Variants in PRR16 observed in about 807,000 individuals in gnomAD.
PRR16 encodes the protein protein Largen.
In PRR16, 6 loss-of-function variants were observed where a neutral mutation model predicts 18.2. The ratio of observed to expected loss-of-function variants is 0.33; its 90% CI spans 0.18 to 0.65. PRR16 has a LOEUF of 0.65. PRR16 is among the 30% of genes least tolerant of loss of function. PRR16 has a pLI of 0.74. For synonymous variants in PRR16, 151 were observed against 147.8 expected (o/e 1.02, Z -0.16); for missense variants, 412 against 376.6 (o/e 1.09, Z -0.78).
rs187984117 is a variant in PRR16, at chr5:120,538,341, G to T, written c.159+73696G>T. Among the ~76,000 whole-genome samples the T allele has an allele frequency of 5.3e-5, 8 of 152,288 alleles. No homozygotes were observed. In the East Asian group the frequency reaches 1.5e-3, roughly 29 times the overall value. On this transcript the variant is annotated intron_variant, in intron 1 of 1. Coordinates refer to ENST00000407149, the MANE Select transcript of PRR16 (RefSeq NM_001300783.2). ...CTCTTGAGAAAACATAGCATTTTCA[G>T]TTGTATTTCTATGAGTCAGGATTTG... is the stretch of plus-strand genomic sequence containing the variant.
chr5:120,713,023 A>T, the PRR16 span, among the ~76,000 whole-genome samples: 5 of 152,180 alleles, frequency 3.3e-5, no homozygotes, highest in Non-Finnish European at 5.9e-5. Context: ...TCCTGTCTTC[A>T]TTGCACCATT....
the PRR16 span, among the ~76,000 whole-genome samples, chr5:120,735,330 C>CA: frequency 6.6e-6 from 1 of 151,992 alleles, no homozygotes; most frequent in East Asian, 1.9e-4. Flanking sequence ...TGTGGGTATG[C>CA]AAAAATGTTA....
the PRR16 span, among the ~76,000 whole-genome samples, chr5:120,779,253 T>G: frequency 2.0e-5 from 3 of 152,048 alleles, no homozygotes. Context: ...AAAAGGAAAT[T>G]AAAAGGAGGA....
chr5:120,642,704 T>C (rs1253491805), intron 1 of PRR16, among the ~76,000 whole-genome samples: 2 of 152,064 alleles, frequency 1.3e-5, no homozygotes, highest in African/African-American at 4.8e-5. Flanking sequence ...TGTGTCCCCT[T>C]ATCAAGAACT....
the PRR16 span, among the ~76,000 whole-genome samples, chr5:120,706,063 TG>T: frequency 6.6e-6 from 1 of 152,128 alleles, no homozygotes; most frequent in Non-Finnish European, 1.5e-5. Context: ...GGTACAAAAA[TG>T]GCTTCCAATG....
chr5:120,569,676 CG>C (rs1350921912), intron 1 of PRR16, among the ~76,000 whole-genome samples: 1 of 152,018 alleles, frequency 6.6e-6, no homozygotes, highest in East Asian at 1.9e-4. Context: ...AAAAATGCCA[CG>C]GTGTCCTGTC....
At chr5:120,594,953 A>G in intron 1 of PRR16, among the ~76,000 whole-genome samples, 1 of 152,070 alleles carries the variant, frequency 6.6e-6, no homozygotes, top group East Asian at 1.9e-4. Flanking sequence ...TACAAAAATC[A>G]ACCAAAAATG....
intron 1 of PRR16, among the ~76,000 whole-genome samples, chr5:120,645,738 G>T (rs1755570397): frequency 6.6e-6 from 1 of 152,068 alleles, no homozygotes; most frequent in African/African-American, 2.4e-5. Flanking sequence ...AGTTTCTTTT[G>T]TTGCTCCGTC....
At chr5:120,644,536 C>G (rs1056671743) in intron 1 of PRR16, among the ~76,000 whole-genome samples, 2 of 152,112 alleles carry the variant, frequency 1.3e-5, no homozygotes, top group East Asian at 3.9e-4. Flanking sequence ...TGCAAAATAT[C>G]TGAGAGTTAG....
intron 1 of PRR16, among the ~76,000 whole-genome samples, chr5:120,610,711 A>T (rs955230693): frequency 2.6e-5 from 4 of 152,200 alleles, no homozygotes; most frequent in Admixed American, 2.6e-4. Flanking sequence ...GATATGTGGA[A>T]CTATAAGTCC....
chr5:120,645,838 A>G (rs1561591108), intron 1 of PRR16, among the ~76,000 whole-genome samples: 1 of 151,872 alleles, frequency 6.6e-6, no homozygotes, highest in Non-Finnish European at 1.5e-5. Flanking sequence ...AACAATGACT[A>G]GAAGAAAATA....
At chr5:120,790,256 C>A in the PRR16 span, 1 of 152,178 alleles carries the variant, frequency 6.6e-6, no homozygotes, top group African/African-American at 2.4e-5. Context: ...AAAGGACTAT[C>A]AAGAAGCCAA....
intron 1 of PRR16, among the ~76,000 whole-genome samples, chr5:120,531,785 A>G (rs553091446): frequency 6.6e-6 from 1 of 152,276 alleles, no homozygotes; most frequent in South Asian, 2.1e-4. Flanking sequence ...AGAATGATAA[A>G]TTATAAATAT....
At chr5:120,775,670 G>T in the PRR16 span, among the ~76,000 whole-genome samples, 61 of 130,156 alleles carry the variant, frequency 4.7e-4, no homozygotes, top group Non-Finnish European at 8.0e-4. Context: ...CACTCTTGTT[G>T]CCCAGGCTGG....
intron 1 of PRR16, among the ~76,000 whole-genome samples, chr5:120,581,797 T>A: frequency 6.6e-6 from 1 of 152,170 alleles, no homozygotes; most frequent in Non-Finnish European, 1.5e-5. Context: ...CAAGAGCATG[T>A]TGTTCAATTT....
the PRR16 span, among the ~76,000 whole-genome samples, chr5:120,747,655 A>T: frequency 6.6e-6 from 1 of 152,132 alleles, no homozygotes; most frequent in Non-Finnish European, 1.5e-5. Flanking sequence ...AGTGACAGGC[A>T]TTGCTTAGTC....
At chr5:120,728,448 A>T in the PRR16 span, among the ~76,000 whole-genome samples, 6 of 151,886 alleles carry the variant, frequency 4.0e-5, no homozygotes, top group Admixed American at 1.3e-4. Flanking sequence ...TTAAATTTTG[A>T]TGACATAATT....
At chr5:120,754,462 G>GTATATAGTATATATTATATAA in the PRR16 span, among the ~76,000 whole-genome samples, 108 of 53,914 alleles carry the variant, frequency 2.0e-3, no homozygotes, top group East Asian at 4.8e-3. Context: ...ATAATATATA[G>GTATATAGTATATATTATATAA]TATATAGTAT....
intron 1 of PRR16, among the ~76,000 whole-genome samples, chr5:120,544,170 G>C (rs1228366505): frequency 6.6e-6 from 1 of 152,146 alleles, no homozygotes; most frequent in Non-Finnish European, 1.5e-5. Flanking sequence ...GGGCCCTGAT[G>C]ACCCAGAGAA....
Sources: allele counts gnomAD v4.1 joint callset (sites outside exome capture counted in the v4.1 genomes callset), GRCh38; gene constraint gnomAD v4.1.1; transcripts MANE v1.5; gene names NCBI Gene and HGNC (gene_info 2026-07-23, HGNC 2026-07-21).